The following CPS1 variants were observed in gnomAD, a reference collection of about 807,000 sequenced individuals.
CPS1 encodes carbamoyl-phosphate synthase 1.
A neutral mutation model predicts 174.6 loss-of-function variants in CPS1; 109 were observed. The observed-to-expected ratio is 0.62, with a 90% confidence interval of 0.53 to 0.73. CPS1 has a LOEUF of 0.73. Among genes scored for constraint, CPS1 ranks in the 30% least tolerant of loss-of-function variants. CPS1 has a pLI of 0.00. For synonymous variants in CPS1, 637 were observed against 632.0 expected (o/e 1.01, Z -0.12); for missense variants, 1,689 against 1,821.9 (o/e 0.93, Z 1.33).
intron 1 of CPS1, among the ~76,000 whole-genome samples, chr2:210,510,644 G>A (rs1695439198): frequency 6.6e-6 from 1 of 152,096 alleles, no homozygotes; most frequent in Admixed American, 6.5e-5. Context: ...ATCTGACAAA[G>A]GGCTAATATC....
At chr2:210,573,851 C>T (rs1697598664) in intron 2 of CPS1, among the ~76,000 whole-genome samples, 1 of 151,918 alleles carries the variant, frequency 6.6e-6, no homozygotes, top group South Asian at 2.1e-4. Flanking sequence ...ATTAGAAAGT[C>T]CTTGGGTATT....
intron 35 of CPS1, 108 bp from the exon 36 acceptor site, chr2:210,675,620 T>C: frequency 1.4e-6 from 1 of 724,930 alleles, no homozygotes; most frequent in Non-Finnish European, 2.6e-6. Flanking sequence ...GGCACTATAC[T>C]ACTTCTCATG....
chr2:210,506,603 C>T (rs1004133889), intron 1 of CPS1, among the ~76,000 whole-genome samples: 10 of 152,050 alleles, frequency 6.6e-5, no homozygotes, highest in Non-Finnish European at 1.5e-5. Flanking sequence ...AGTTCGAACC[C>T]ATGGCAAAGA....
chr2:210,650,271 G>T lies in CPS1; in HGVS notation c.3405-92G>T, dbSNP rs34449727. Reference sequence around the variant, plus strand: ...GGCACCTTCTTATTCAGCCCCGACTGGAACTATAGGTTGTCTGGAACTGTT... The same window carrying T: ...GGCACCTTCTTATTCAGCCCCGACTTGAACTATAGGTTGTCTGGAACTGTT... On this transcript the variant is annotated intron_variant, in intron 27 of 37. Coordinates refer to ENST00000233072, the MANE Select transcript of CPS1 (RefSeq NM_001875.5). 0.36 allele frequency: 373,618 copies of T among 1,044,496 alleles called. 70,750 individuals are homozygous for T. The highest frequency in any genetic ancestry group is 0.45 in the Middle Eastern group (2,230 of 4,936). The allele number at this position is 1,044,496 out of a possible 1,614,324, so 64.7% of individuals were successfully genotyped here. A position where few individuals can be genotyped will look rare whatever the true frequency, so the allele number is the denominator to read the frequency against.
At chr2:210,657,732 C>T (rs78697174) in intron 30 of CPS1, 6,390 of 152,302 alleles carry the variant, frequency 0.042, 430 homozygotes, top group African/African-American at 0.15. Context: ...TTCAGGCAGA[C>T]CTGTCTCTCT....
intron 1 of CPS1, among the ~76,000 whole-genome samples, chr2:210,511,282 G>C (rs1342767476): frequency 6.6e-6 from 1 of 151,522 alleles, no homozygotes; most frequent in Non-Finnish European, 1.5e-5. Flanking sequence ...ATCGCAAGGA[G>C]AAAAAACCAA....
chr2:210,562,526 A>G (rs1286833043), intron 1 of CPS1, among the ~76,000 whole-genome samples: 1 of 152,150 alleles, frequency 6.6e-6, no homozygotes, highest in African/African-American at 2.4e-5. Context: ...GATTTCATTT[A>G]CTTGATTTTA....
At chr2:210,557,864 C>T (rs1318274383) in intron 1 of CPS1, among the ~76,000 whole-genome samples, 1 of 151,970 alleles carries the variant, frequency 6.6e-6, no homozygotes, top group Non-Finnish European at 1.5e-5. Context: ...TTCAGTTGCT[C>T]AAGTCAGGAT....
At chr2:210,557,956 A>T (rs544536441) in intron 1 of CPS1, among the ~76,000 whole-genome samples, 1 of 151,576 alleles carries the variant, frequency 6.6e-6, no homozygotes, top group Admixed American at 6.6e-5. Context: ...GGGATGGGAA[A>T]GGAATGGGAG....
chr2:210,674,319 C>A, intron 34 of CPS1: 1 of 152,256 alleles, frequency 6.6e-6, no homozygotes, highest in Non-Finnish European at 1.5e-5. Context: ...ACTAAAAATA[C>A]AAAATTAGCT....
intron 29 of CPS1, among the ~76,000 whole-genome samples, chr2:210,654,768 CTT>C (rs1340861715): frequency 6.6e-6 from 1 of 152,152 alleles, no homozygotes; most frequent in African/African-American, 2.4e-5. Flanking sequence ...AAAATACAAA[CTT>C]AGCATTCATC....
intron 1 of CPS1, among the ~76,000 whole-genome samples, chr2:210,557,867 G>A (rs1167989593): frequency 6.6e-6 from 1 of 152,020 alleles, no homozygotes; most frequent in Non-Finnish European, 1.5e-5. Flanking sequence ...AGTTGCTCAA[G>A]TCAGGATTCA....
Position 210,600,562 on chromosome 2 carries a change from A to G in CPS1, c.1557A>G (p.Glu519=). 6.2e-7 allele frequency: 1 copy of G among 1,612,086 alleles called. No homozygotes were observed. The highest frequency in any genetic ancestry group is 8.5e-7 in the Non-Finnish European group (1 of 1,178,740). The change falls in exon 15 of 38, where the codon GAA becomes GAG. Residue 519 remains glutamate (E), a synonymous_variant. Coordinates refer to ENST00000233072, the MANE Select transcript of CPS1 (RefSeq NM_001875.5). The stretch of plus-strand genomic sequence containing the variant: ...TATTTGGTTCTTCTTTAGGAGTGGA[A>G]CTATTCAAGAGAGGTGTGCTCAAGG... ...GGQTALNCGV[E]LFKRGVLKEY... is the part of the protein sequence containing the mutation.
At chr2:210,554,634 T>G (rs1696843332), upstream of CPS1, among the ~76,000 whole-genome samples, 1 of 151,872 alleles carries the variant, frequency 6.6e-6, no homozygotes, top group Non-Finnish European at 1.5e-5. Flanking sequence ...TAAATTTATT[T>G]TGCATCCTAA....
intron 1 of CPS1, among the ~76,000 whole-genome samples, chr2:210,511,021 C>G (rs1008044774): frequency 1.3e-5 from 2 of 152,040 alleles, no homozygotes; most frequent in Non-Finnish European, 2.9e-5. Context: ...CCCAGCCATC[C>G]CATTACTGGA....
At chr2:210,594,704 A>C in intron 12 of CPS1, 98 bp downstream of exon 12, 1 of 814,000 alleles carries the variant, frequency 1.2e-6, no homozygotes, top group South Asian at 1.4e-5. Context: ...ACTAGTGTTT[A>C]ATAAAAGATG....
intron 32 of CPS1, 97 bp downstream of exon 32, chr2:210,660,752 A>T: frequency 8.4e-7 from 1 of 1,194,438 alleles, no homozygotes; most frequent in Non-Finnish European, 1.2e-6. Flanking sequence ...AAAACCTTCT[A>T]ACTAAAGGGT....
intron 21 of CPS1, among the ~76,000 whole-genome samples, chr2:210,621,263 G>A (rs1699517646): frequency 6.6e-6 from 1 of 152,100 alleles, no homozygotes; most frequent in East Asian, 1.9e-4. Context: ...TTTTTACTCA[G>A]TACGATATAA....
At chr2:210,536,578 G>A (rs1215752340) in intron 1 of CPS1, among the ~76,000 whole-genome samples, 5 of 152,124 alleles carry the variant, frequency 3.3e-5, no homozygotes, top group South Asian at 2.1e-4. Flanking sequence ...CGCCCGCCTC[G>A]GCCTCCCAAA....
Sources: gnomAD v4.1 joint callset for allele counts (sites outside exome capture counted in the v4.1 genomes callset) on GRCh38, gnomAD v4.1.1 for gene constraint, MANE v1.5 for transcripts, NCBI Gene and HGNC (gene_info 2026-07-23, HGNC 2026-07-21) for gene names.